Variants in HIPK2 observed in about 807,000 individuals in gnomAD.
HIPK2 encodes homeodomain-interacting protein kinase 2.
A neutral mutation model predicts 113.7 loss-of-function variants in HIPK2; 27 were observed. That is an observed-to-expected ratio of 0.24 (90% confidence interval 0.17 to 0.33). HIPK2 has a LOEUF of 0.33. HIPK2 is among the 10% of genes least tolerant of loss of function. HIPK2 has a pLI of 1.00. For synonymous variants in HIPK2, 631 were observed against 642.2 expected, an observed-to-expected ratio of 0.98 and a Z score of 0.26; for missense variants, 1,257 against 1,588.0, an observed-to-expected ratio of 0.79 and a Z score of 3.54.
chr7:139,586,252 T>C (rs1185555410), intron 12 of HIPK2, among the ~76,000 whole-genome samples: 5 of 152,230 alleles, frequency 3.3e-5, no homozygotes, highest in Non-Finnish European at 5.9e-5. Flanking sequence ...GAAATGTCCA[T>C]ATGCTTGTTC....
intron 13 of HIPK2, among the ~76,000 whole-genome samples, chr7:139,581,817 C>T (rs1372459527): frequency 6.6e-6 from 1 of 152,160 alleles, no homozygotes; most frequent in East Asian, 1.9e-4. Context: ...TGCCCCTGCT[C>T]GTGAGGGCAC....
intron 2 of HIPK2, among the ~76,000 whole-genome samples, chr7:139,674,853 G>A (rs1802439989): frequency 6.6e-6 from 1 of 152,162 alleles, no homozygotes; most frequent in Non-Finnish European, 1.5e-5. Context: ...AGATGTAAAA[G>A]AGGTGCCACA....
chr7:139,644,584 C>T (rs569296529), intron 2 of HIPK2, among the ~76,000 whole-genome samples: 1 of 152,332 alleles, frequency 6.6e-6, no homozygotes, highest in Admixed American at 6.5e-5. Flanking sequence ...ATCATGGATC[C>T]TTTTGTTGAC....
At chr7:139,647,825 C>T (rs2116438442) in intron 2 of HIPK2, among the ~76,000 whole-genome samples, 1 of 152,332 alleles carries the variant, frequency 6.6e-6, no homozygotes, top group East Asian at 1.9e-4. Flanking sequence ...TTGGTATGAA[C>T]AGCTTAGTTT....
At chr7:139,672,075 A>G (rs1218856214) in intron 2 of HIPK2, among the ~76,000 whole-genome samples, 1 of 74,630 alleles carries the variant, frequency 1.3e-5, no homozygotes, top group Non-Finnish European at 2.5e-5. Flanking sequence ...GTTTATGTCT[A>G]TAGCTTACTC....
intron 2 of HIPK2, among the ~76,000 whole-genome samples, chr7:139,639,783 T>A (rs1011490635): frequency 6.6e-6 from 1 of 152,242 alleles, no homozygotes; most frequent in African/African-American, 2.4e-5. Context: ...TGAGTCTATG[T>A]CAAGTGCACA....
Position 139,614,343 on chromosome 7 carries a change from A to C in HIPK2, c.1933T>G (p.Cys645Gly), listed in dbSNP as rs1188236303. Residue 645 changes from cysteine to glycine, a missense_variant, in exon 8 of 15, where the codon TGT (cysteine) becomes GGT (glycine). Coordinates refer to ENST00000406875, the MANE Select transcript of HIPK2 (RefSeq NM_022740.5). ...MPLQTGTAQI[C>G]ARPDPFQQAL... is the part of the protein sequence containing the mutation. Reference sequence around the variant, plus strand: ...TGCTGGAACGGGTCAGGCCGGGCACAAATCTGGGCTGTTCCTGTCTGCAGG... The same window carrying C: ...TGCTGGAACGGGTCAGGCCGGGCACCAATCTGGGCTGTTCCTGTCTGCAGG... The C allele has an allele frequency of 6.3e-7, 1 of 1,576,656 alleles. No homozygotes were observed. The highest frequency in any genetic ancestry group is 8.7e-7 in the Non-Finnish European group (1 of 1,155,870).
At chr7:139,697,662 T>C (rs1794602130) in intron 2 of HIPK2, among the ~76,000 whole-genome samples, 1 of 151,946 alleles carries the variant, frequency 6.6e-6, no homozygotes, top group Non-Finnish European at 1.5e-5. Context: ...TTGAGGTGAA[T>C]CACATGCGTA....
chr7:139,637,636 C>T (rs1160847607), intron 2 of HIPK2, among the ~76,000 whole-genome samples: 1 of 152,084 alleles, frequency 6.6e-6, no homozygotes, highest in Non-Finnish European at 1.5e-5. Flanking sequence ...TCTTAACCTG[C>T]TCACTGTCTG....
Position 139,563,924 on chromosome 7 carries a change from G to C in HIPK2, c.*9003C>G. The stretch of plus-strand genomic sequence containing the variant: ...CAAGAGAAAACATAAAAGAAACCAA[G>C]ACTCAGGGAAACTGCCATTCCCCCA... On this transcript the variant is annotated 3_prime_UTR_variant, in exon 15 of 15. Transcript: ENST00000406875. The C allele has an allele frequency of 2.5e-6, 1 of 398,596 alleles. No individual in the cohort carries two copies. Among genetic ancestry groups the C allele is most frequent in the East Asian group, 3.6e-5 (1 of 28,074 alleles). 24.7% of individuals were successfully genotyped at this position (398,596 alleles called of 1,614,324 possible).
chr7:139,651,991 C>T (rs940372108), intron 2 of HIPK2, among the ~76,000 whole-genome samples: 8 of 152,152 alleles, frequency 5.3e-5, no homozygotes, highest in Non-Finnish European at 1.2e-4. Context: ...AAGGCTCTGG[C>T]GCCATAACTC....
At chr7:139,670,849 C>T (rs916762705) in intron 2 of HIPK2, among the ~76,000 whole-genome samples, 3 of 146,086 alleles carry the variant, frequency 2.1e-5, no homozygotes, top group South Asian at 2.1e-4. Context: ...CTGCCCTCTC[C>T]GCCTTCCAGA....
At chr7:139,705,862 T>C (rs996790394) in intron 2 of HIPK2, among the ~76,000 whole-genome samples, 5 of 150,950 alleles carry the variant, frequency 3.3e-5, no homozygotes, top group South Asian at 2.1e-4. Flanking sequence ...TAACATTTCC[T>C]GAGTGCTCAC....
intron 2 of HIPK2, among the ~76,000 whole-genome samples, chr7:139,684,188 T>C (rs1794148107): frequency 6.6e-6 from 1 of 152,214 alleles, no homozygotes; most frequent in Non-Finnish European, 1.5e-5. Context: ...ATTGCACCCA[T>C]ATAAGATGGC....
intron 7 of HIPK2, among the ~76,000 whole-genome samples, chr7:139,618,992 A>G (rs1800149100): frequency 6.6e-6 from 1 of 152,178 alleles, no homozygotes; most frequent in South Asian, 2.1e-4. Context: ...GGGCTGGGCA[A>G]GGTTAGTTTT....
intron 13 of HIPK2, among the ~76,000 whole-genome samples, chr7:139,578,070 C>T (rs898720978): frequency 6.6e-5 from 10 of 151,800 alleles, no homozygotes; most frequent in Admixed American, 5.2e-4. Context: ...AGTACGGTGG[C>T]GTGATCTCAG....
rs2116458684 is a variant in HIPK2, at chr7:139,573,139, G to T, written c.3385C>A (p.His1129Asn). Reference protein sequence around the residue: ...HLVASQGSARHTVQHTAYPAS... With the variant: ...HLVASQGSARNTVQHTAYPAS... Reference sequence around the variant, plus strand: ...GGGTAGGCAGTGTGCTGCACGGTGTGGCGCGCAGAGCCTTGCGAGGCCACC... The same window carrying T: ...GGGTAGGCAGTGTGCTGCACGGTGTTGCGCGCAGAGCCTTGCGAGGCCACC... The change falls in exon 15 of 15, where the codon CAC becomes AAC. Residue 1129 changes from histidine (H) to asparagine (N), a missense_variant. His to Asn is a moderately conservative substitution (Grantham distance 68). Coordinates refer to ENST00000406875, the MANE Select transcript of HIPK2 (RefSeq NM_022740.5). The T allele has an allele frequency of 6.2e-7, 1 of 1,611,678 alleles. No individual in the cohort carries two copies. Among genetic ancestry groups the T allele is most frequent in the East Asian group, 2.2e-5 (1 of 44,812 alleles).
At chr7:139,647,734 G>T (rs895661868) in intron 2 of HIPK2, among the ~76,000 whole-genome samples, 2 of 152,086 alleles carry the variant, frequency 1.3e-5, no homozygotes, top group African/African-American at 4.8e-5. Context: ...GGGAGATTTT[G>T]AAAATTCAAT....
At chr7:139,658,306 C>CA (rs56399449) in intron 2 of HIPK2, among the ~76,000 whole-genome samples, 4,953 of 137,572 alleles carry the variant, frequency 0.036, 253 homozygotes, top group African/African-American at 0.12. Flanking sequence ...AACTTGGTCT[C>CA]AAAAAAAAAA....
Sources: gnomAD v4.1 joint callset for allele counts (sites outside exome capture counted in the v4.1 genomes callset) on GRCh38, gnomAD v4.1.1 for gene constraint, MANE v1.5 for transcripts, NCBI Gene and HGNC (gene_info 2026-07-23, HGNC 2026-07-21) for gene names.